The following SCN8A variants were observed in gnomAD, a reference collection of about 807,000 sequenced individuals.
SCN8A encodes sodium voltage-gated channel alpha subunit 8.
SCN8A carries 30 observed loss-of-function variants against 184.1 expected under a neutral mutation model. The ratio of observed to expected loss-of-function variants is 0.16; its 90% CI spans 0.12 to 0.22. SCN8A has a LOEUF of 0.22. Among genes scored for constraint, SCN8A ranks in the 10% least tolerant of loss-of-function variants. The pLI is 1.00. For missense variants in SCN8A, 1,057 were observed against 2,498.9 expected (o/e 0.42, Z 12.30); for synonymous variants, 852 against 907.0 (o/e 0.94, Z 1.09).
chr12:51,642,670 C>G (rs1307513162), intron 1 of SCN8A, among the ~76,000 whole-genome samples: 4 of 151,852 alleles, frequency 2.6e-5, no homozygotes, highest in African/African-American at 9.7e-5. Flanking sequence ...CTGATCCTCA[C>G]AGTACCCTGT....
At chr12:51,609,584 C>T (rs1473476987) in intron 1 of SCN8A, among the ~76,000 whole-genome samples, 6 of 152,060 alleles carry the variant, frequency 3.9e-5, no homozygotes, top group Non-Finnish European at 7.4e-5. Flanking sequence ...TTTGTTTTGT[C>T]TGATATAAGA....
intron 1 of SCN8A, among the ~76,000 whole-genome samples, chr12:51,595,851 A>G (rs1565851832): frequency 2.0e-5 from 3 of 152,228 alleles, no homozygotes; most frequent in Admixed American, 6.5e-5. Context: ...TCTGGCATAG[A>G]GGATGGAACC....
In SCN8A at chr12:51,806,442, C is replaced by T. The variant is rs1938704616; in HGVS notation, c.4956C>T (p.Phe1652=). 6.2e-7 allele frequency: 1 copy of T among 1,614,224 alleles called. No homozygotes were observed. The highest frequency in any genetic ancestry group is 1.1e-5 in the South Asian group (1 of 91,080). Residue 1652 remains phenylalanine, a synonymous_variant, in exon 27 of 27, where the codon TTC becomes TTT. Transcript: ENST00000627620. This position sits in a 1 kb window ranked among gnomAD's most constrained non-coding sequence, Gnocchi z 8.7. The stretch of plus-strand genomic sequence containing the variant: ...TAATGATGTCCTTGCCTGCCCTGTT[C>T]AACATCGGCCTTCTGCTCTTCCTGG... The part of the protein sequence containing the change: ...FALMMSLPAL[F]NIGLLLFLVM...
chr12:51,608,429 C>T (rs1565857638), intron 1 of SCN8A, among the ~76,000 whole-genome samples: 1 of 152,000 alleles, frequency 6.6e-6, no homozygotes. Flanking sequence ...TGTTATTGGT[C>T]TGTTCAGGGT....
At chr12:51,689,330 A>C (rs1055695992) in intron 6 of SCN8A, 1 of 496,900 alleles carries the variant, frequency 2.0e-6, no homozygotes, top group African/African-American at 1.9e-5. Context: ...GCACGTGCTT[A>C]AGAATCACTT....
chr12:51,659,612 A>G (rs920638269), intron 1 of SCN8A, among the ~76,000 whole-genome samples: 5 of 152,150 alleles, frequency 3.3e-5, no homozygotes, highest in Non-Finnish European at 7.3e-5. Flanking sequence ...ATAACTGGTA[A>G]GTTTGAGGGA....
At chr12:51,740,825 T>C (rs1307839111) in intron 12 of SCN8A, among the ~76,000 whole-genome samples, 1 of 152,174 alleles carries the variant, frequency 6.6e-6, no homozygotes, top group East Asian at 1.9e-4. Flanking sequence ...TGCTCTGTTA[T>C]CCAGGTTGGA....
chr12:51,654,345 A>G (rs1001686740), intron 1 of SCN8A, among the ~76,000 whole-genome samples: 2 of 152,064 alleles, frequency 1.3e-5, no homozygotes, highest in African/African-American at 4.8e-5. Context: ...TAGGTCTTTG[A>G]TCCATTTTGA....
chr12:51,792,558 C>T (rs1295193206), intron 25 of SCN8A, among the ~76,000 whole-genome samples: 1 of 141,694 alleles, frequency 7.1e-6, no homozygotes, highest in East Asian at 2.1e-4. Context: ...GCAGAATACA[C>T]AAGACCCCAG....
intron 1 of SCN8A, among the ~76,000 whole-genome samples, chr12:51,640,058 C>A (rs2138630508): frequency 6.8e-6 from 1 of 147,622 alleles, no homozygotes; most frequent in African/African-American, 2.5e-5. Context: ...TGTGCACCAC[C>A]ACACTCTGCT....
chr12:51,724,207 A>T (rs1258939720), intron 12 of SCN8A, among the ~76,000 whole-genome samples: 1 of 152,200 alleles, frequency 6.6e-6, no homozygotes, highest in Non-Finnish European at 1.5e-5. Context: ...GCACTTTAGG[A>T]GGCTGAGGTG....
At chr12:51,800,570 C>G (rs1224307362) in intron 26 of SCN8A, among the ~76,000 whole-genome samples, 1 of 152,206 alleles carries the variant, frequency 6.6e-6, no homozygotes, top group Non-Finnish European at 1.5e-5. Context: ...ACCAGTCAGC[C>G]AATATGGGGA....
At chr12:51,692,865 G>GT (rs2138723586) in intron 6 of SCN8A, among the ~76,000 whole-genome samples, 1 of 152,304 alleles carries the variant, frequency 6.6e-6, no homozygotes, top group South Asian at 2.1e-4. Context: ...AATAGAACTG[G>GT]TTGAGAGAAA....
chr12:51,644,450 C>G (rs1230901965), intron 1 of SCN8A, among the ~76,000 whole-genome samples: 1 of 152,206 alleles, frequency 6.6e-6, no homozygotes, highest in Admixed American at 6.5e-5. Context: ...AGAACTGTGT[C>G]TAGCAGGTAG....
chr12:51,618,458 AACACACACACACACACAC>A lies in SCN8A; in HGVS notation c.-55+27133_-55+27150del, dbSNP rs56163627. Reference sequence around the variant, plus strand: ...AGTCCAGGCCAAGAGATACCAGAGCAACACACACACACACACACACACACACACACACACACACACACA... The same window carrying A: ...AGTCCAGGCCAAGAGATACCAGAGCAACACACACACACACACACACACACA... On this transcript the variant is annotated intron_variant, in intron 1 of 26. Transcript: ENST00000627620. 2.4e-3 allele frequency among the ~76,000 whole-genome samples: 337 copies of A among 138,928 alleles called. 1 individual carries two copies. Among genetic ancestry groups the A allele is most frequent in the Middle Eastern group, 7.4e-3 (2 of 270 alleles). 91.1% of individuals were successfully genotyped at this position (138,928 alleles called of 152,430 possible). A position where few individuals can be genotyped will look rare whatever the true frequency, so the allele number is the denominator to read the frequency against.
At chr12:51,627,390 T>C (rs1248508429) in intron 1 of SCN8A, among the ~76,000 whole-genome samples, 1 of 152,094 alleles carries the variant, frequency 6.6e-6, no homozygotes, top group Non-Finnish European at 1.5e-5. Flanking sequence ...AATGAATGAG[T>C]GTATCTCTTT....
intron 12 of SCN8A, among the ~76,000 whole-genome samples, chr12:51,744,385 C>T (rs79878100): frequency 0.081 from 12,362 of 152,258 alleles, 604 homozygotes; most frequent in South Asian, 0.16. Context: ...CAAAGTCCTT[C>T]CTGCTCTTCT....
intron 12 of SCN8A, among the ~76,000 whole-genome samples, chr12:51,742,805 C>T (rs1242449441): frequency 6.6e-6 from 1 of 152,106 alleles, no homozygotes; most frequent in Non-Finnish European, 1.5e-5. Context: ...ATCTCTTTCT[C>T]TACGTCCTTT....
chr12:51,712,523 G>A, intron 11 of SCN8A: 3 of 773,388 alleles, frequency 3.9e-6, no homozygotes, highest in Non-Finnish European at 7.1e-6. Context: ...ACCACCATAG[G>A]GACTGCCCGA....
Sources: allele counts gnomAD v4.1 joint callset (sites outside exome capture counted in the v4.1 genomes callset), GRCh38; gene constraint gnomAD v4.1.1; non-coding constraint Gnocchi (gnomAD v3.1); transcripts MANE v1.5; gene names NCBI Gene and HGNC (gene_info 2026-07-23, HGNC 2026-07-21).